Variants in EYS observed in about 807,000 individuals in gnomAD.
The protein encoded by EYS is EGF-like photoreceptor maintenance factor.
In EYS, 250 loss-of-function variants were observed where a neutral mutation model predicts 282.1. The ratio of observed to expected loss-of-function variants is 0.89; its 90% CI spans 0.80 to 0.98. The LOEUF (loss-of-function observed/expected upper bound fraction) is 0.98. EYS is among the 50% of genes least tolerant of loss of function. EYS has a pLI of 0.00. For missense variants in EYS, 4,016 were observed against 3,709.0 expected, an observed-to-expected ratio of 1.08 and a Z score of -2.15; for synonymous variants, 1,355 against 1,282.9, an observed-to-expected ratio of 1.06 and a Z score of -1.20.
intron 19 of EYS, among the ~76,000 whole-genome samples, chr6:64,845,307 T>A (rs1424616838): frequency 2.6e-5 from 4 of 151,806 alleles, no homozygotes; most frequent in Non-Finnish European, 5.9e-5. Context: ...AAATTAAAAA[T>A]AAAATTTAAA....
chr6:64,465,676 C>T (rs1424900234), intron 26 of EYS, among the ~76,000 whole-genome samples: 1 of 151,276 alleles, frequency 6.6e-6, no homozygotes, highest in Non-Finnish European at 1.5e-5. Context: ...AAGTTCATGA[C>T]ATTGGTCTGA....
chr6:64,190,939 T>C (rs894243446), intron 31 of EYS, among the ~76,000 whole-genome samples: 1 of 152,218 alleles, frequency 6.6e-6, no homozygotes, highest in African/African-American at 2.4e-5. Flanking sequence ...AGTATCTCAT[T>C]GTGGTTTCAT....
At chr6:64,868,709 A>G (rs1171327004) in intron 19 of EYS, among the ~76,000 whole-genome samples, 1 of 151,544 alleles carries the variant, frequency 6.6e-6, no homozygotes, top group Non-Finnish European at 1.5e-5. Context: ...GGGGGAGAAT[A>G]CTATTTTCTA....
At chr6:64,191,408 C>T (rs1019408438) in intron 31 of EYS, among the ~76,000 whole-genome samples, 13 of 151,954 alleles carry the variant, frequency 8.6e-5, no homozygotes, top group African/African-American at 2.2e-4. Context: ...TGTATACATG[C>T]GACATGCTGG....
At chr6:64,549,887 T>TC in intron 26 of EYS, among the ~76,000 whole-genome samples, 1 of 151,406 alleles carries the variant, frequency 6.6e-6, no homozygotes, top group South Asian at 2.1e-4. Flanking sequence ...CCCTCCCTCC[T>TC]CCCCCTACCC....
At chr6:64,341,651 C>T (rs924518076) in intron 29 of EYS, among the ~76,000 whole-genome samples, 2 of 151,658 alleles carry the variant, frequency 1.3e-5, no homozygotes, top group South Asian at 2.1e-4. Flanking sequence ...TCACATTTAC[C>T]CCCTCTTTAT....
At chr6:65,488,382 C>T (rs1765892852) in intron 5 of EYS, among the ~76,000 whole-genome samples, 1 of 152,100 alleles carries the variant, frequency 6.6e-6, no homozygotes, top group African/African-American at 2.4e-5. Flanking sequence ...TGTCTTTGTT[C>T]TCATTGGTTT....
intron 12 of EYS, among the ~76,000 whole-genome samples, chr6:65,097,723 A>G (rs180853356): frequency 4.6e-4 from 70 of 150,896 alleles, no homozygotes; most frequent in African/African-American, 1.6e-3. Flanking sequence ...CCTGAAGGAC[A>G]TTATGCTAAG....
At chr6:65,445,114 T>C (rs9354240) in intron 5 of EYS, among the ~76,000 whole-genome samples, 28,060 of 151,756 alleles carry the variant, frequency 0.18, 3,219 homozygotes, top group Middle Eastern at 0.3. Flanking sequence ...TCTTTTAAAC[T>C]CCTTGGATAG....
Position 65,149,422 on chromosome 6 carries a change from C to T in EYS, c.2024-91695G>A, listed in dbSNP as rs572392831. Among the ~76,000 whole-genome samples, 14 of 152,292 alleles carry T rather than the reference C, an allele frequency of 9.2e-5. No homozygotes were observed. The East Asian group carries it at 2.7e-3, about 29-fold the overall frequency. On this transcript the variant is annotated intron_variant, in intron 12 of 42. Transcript: ENST00000503581. ...CATCTCCATCTGAGACCACCTCAGA[C>T]TGGACTTCATTGTCCAAATCACTAT...
At chr6:65,526,847 T>C (rs1767586294) in intron 2 of EYS, among the ~76,000 whole-genome samples, 1 of 151,960 alleles carries the variant, frequency 6.6e-6, no homozygotes, top group Non-Finnish European at 1.5e-5. Context: ...TAATCTTGAG[T>C]GGAATCGAAA....
chr6:65,031,542 A>G (rs539849532), intron 13 of EYS, among the ~76,000 whole-genome samples: 1 of 152,172 alleles, frequency 6.6e-6, no homozygotes, highest in Non-Finnish European at 1.5e-5. Flanking sequence ...CTTGGACCAC[A>G]GTGCAATAAA....
chr6:64,324,217 G>A (rs1770324165), intron 29 of EYS, among the ~76,000 whole-genome samples: 1 of 152,114 alleles, frequency 6.6e-6, no homozygotes, highest in African/African-American at 2.4e-5. Flanking sequence ...GATGAACATA[G>A]AAGCAAGAAT....
rs1766876598 is a variant in EYS, at chr6:64,242,842, A to G, written c.6192-12018T>C. On this transcript the variant is annotated intron_variant, in intron 30 of 42. Transcript: ENST00000503581. Reference sequence around the variant, plus strand: ...AGTTTTTAATATATATAATATAAATATATAAAAATTATAACATGAATTATA... The same window carrying G: ...AGTTTTTAATATATATAATATAAATGTATAAAAATTATAACATGAATTATA... Among the ~76,000 whole-genome samples, 4 of 147,252 alleles carry G rather than the reference A, an allele frequency of 2.7e-5. No homozygotes were observed. In the Admixed American group the frequency reaches 2.7e-4, roughly 10 times the overall value.
At chr6:64,438,205 A>G (rs1774815501) in intron 27 of EYS, among the ~76,000 whole-genome samples, 1 of 151,766 alleles carries the variant, frequency 6.6e-6, no homozygotes, top group South Asian at 2.1e-4. Flanking sequence ...CAAAGTCAGC[A>G]ATCTCAAACT....
chr6:64,124,584 T>C (rs942317725), intron 31 of EYS, among the ~76,000 whole-genome samples: 2 of 152,174 alleles, frequency 1.3e-5, no homozygotes, highest in African/African-American at 4.8e-5. Context: ...ATGCCATATA[T>C]AATTTTGAAA....
chr6:65,067,277 G>A lies in EYS; in HGVS notation c.2024-9550C>T, dbSNP rs75430415. ...ATACATATGTCTACACCCAAGAACA[G>A]GATATTCTTTCTGAATAGCTGGACA... On this transcript the variant is annotated intron_variant, in intron 12 of 42. Transcript: ENST00000503581. 1.8e-3 allele frequency among the ~76,000 whole-genome samples: 279 copies of A among 152,004 alleles called. 2 individuals are homozygous for A. The East Asian group carries it at 0.046, about 25-fold the overall frequency.
intron 24 of EYS, among the ~76,000 whole-genome samples, chr6:64,605,071 A>C (rs1176486051): frequency 6.6e-6 from 1 of 152,052 alleles, no homozygotes; most frequent in Non-Finnish European, 1.5e-5. Context: ...AAACAATTTA[A>C]TCTAGCACAC....
chr6:63,809,084 TTTTGG>T (rs1770976090), intron 36 of EYS, among the ~76,000 whole-genome samples: 1 of 152,178 alleles, frequency 6.6e-6, no homozygotes, highest in Non-Finnish European at 1.5e-5. Context: ...GGGCTTTTTC[TTTTGG>T]TAACTTTGAA....
Sources: allele counts gnomAD v4.1 joint callset (sites outside exome capture counted in the v4.1 genomes callset), GRCh38; gene constraint gnomAD v4.1.1; transcripts MANE v1.5; gene names NCBI Gene and HGNC (gene_info 2026-07-23, HGNC 2026-07-21).